ARMH3: variants seen among roughly 807,000 people sequenced by gnomAD.
ARMH3 encodes the protein armadillo-like helical domain-containing protein 3.
In ARMH3, 60 loss-of-function variants were observed where a neutral mutation model predicts 99.1. That is an observed-to-expected ratio of 0.61 (90% CI 0.49 to 0.75). The LOEUF (loss-of-function observed/expected upper bound fraction) is 0.75, where lower values mean the gene tolerates loss of function less well. Among genes scored for constraint, ARMH3 ranks in the 30% least tolerant of loss-of-function variants. ARMH3 has a pLI of 0.00. For missense variants in ARMH3, 679 were observed against 843.1 expected, an observed-to-expected ratio of 0.81 and a Z score of 2.41; for synonymous variants, 285 against 292.8, an observed-to-expected ratio of 0.97 and a Z score of 0.27.
chr10:101,849,248 A>G (rs868792771), intron 25 of ARMH3, among the ~76,000 whole-genome samples: 2 of 152,170 alleles, frequency 1.3e-5, no homozygotes, highest in Non-Finnish European at 2.9e-5. Context: ...GACCATCAAT[A>G]GGGCTAGCTC....
chr10:101,975,049 T>TAAAAAAAAAAAAAAAAAAAAAAAAA (rs11399489), intron 20 of ARMH3, among the ~76,000 whole-genome samples, 163 bp downstream of exon 20: 9 of 29,662 alleles, frequency 3.0e-4, no homozygotes, highest in African/African-American at 4.2e-4. Flanking sequence ...AGCTAAAACG[T>TAAAAAAAAAAAAAAAAAAAAAAAAA]AAAAAAAAAA....
chr10:102,047,261 T>C lies in ARMH3; in HGVS notation c.-11-7136A>G, dbSNP rs950789860. Among the ~76,000 whole-genome samples, 15 of 152,288 alleles carry C rather than the reference T, an allele frequency of 9.8e-5. No individual in the cohort carries two copies. The East Asian group carries it at 2.9e-3, about 29-fold the overall frequency. On this transcript the variant is annotated intron_variant, in intron 1 of 25. Transcript: ENST00000370033. ...CTATTTTAATTGAGTATAGTCAGTG[T>C]TCTGAGGATAATTCTCCCTCAACTT...
chr10:101,877,653 CT>C (rs2067302616), intron 24 of ARMH3, among the ~76,000 whole-genome samples: 1 of 139,870 alleles, frequency 7.1e-6, no homozygotes, highest in African/African-American at 2.6e-5. Flanking sequence ...GAGACTTTGT[CT>C]TTAAAAAAAA....
chr10:101,966,085 TTTTTTC>T (rs1455644417), intron 20 of ARMH3, among the ~76,000 whole-genome samples: 2 of 151,626 alleles, frequency 1.3e-5, no homozygotes, highest in Non-Finnish European at 2.9e-5. Context: ...AATCTAATTT[TTTTTTC>T]TTTTTCTTTT....
chr10:101,876,863 C>T (rs1304663696), intron 24 of ARMH3, among the ~76,000 whole-genome samples: 1 of 152,128 alleles, frequency 6.6e-6, no homozygotes, highest in Non-Finnish European at 1.5e-5. Context: ...AAAGATAATT[C>T]TTGGGTTAAA....
rs911511878 is a variant in ARMH3 at position 101,943,328 on chromosome 10, C to T, written c.1706-3390G>A. ...AGAAGAAACTGAGGAGCTCACGGCA[C>T]GCTCCACAAAGAAAATAACTTATGT... is the stretch of plus-strand genomic sequence containing the variant. On this transcript the variant is annotated intron_variant, in intron 22 of 25. Coordinates refer to ENST00000370033, the MANE Select transcript of ARMH3 (RefSeq NM_024541.3). Among the ~76,000 whole-genome samples the T allele has an allele frequency of 5.3e-5, 8 of 152,234 alleles. No individual in the cohort carries two copies. The South Asian group carries it at 8.3e-4, about 16-fold the overall frequency.
rs774114524 is a variant in ARMH3 at position 101,975,295 on chromosome 10, C to T, written c.1412G>A (p.Cys471Tyr). ...KEFPMDLYIR[C>Y]IQVVHKLLCY... ...GAGCAGTTTGTGTACTACCTGGATG[C>T]AGCGTCTGTAACAGGGAAAGCAAAA... Residue 471 changes from cysteine to tyrosine, a missense_variant, in exon 20 of 26, where the codon TGC (cysteine) becomes TAC (tyrosine). Coordinates refer to ENST00000370033, the MANE Select transcript of ARMH3 (RefSeq NM_024541.3). 6.2e-7 allele frequency: 1 copy of T among 1,611,780 alleles called. No individual in the cohort carries two copies. Among genetic ancestry groups the T allele is most frequent in the Non-Finnish European group, 8.5e-7 (1 of 1,178,508 alleles).
intron 23 of ARMH3, among the ~76,000 whole-genome samples, chr10:101,897,474 C>A (rs1589983250): frequency 1.3e-5 from 2 of 152,222 alleles, no homozygotes; most frequent in African/African-American, 4.8e-5. Flanking sequence ...AAAGTTGACA[C>A]TGATGACAAT....
At chr10:101,994,474 T>C (rs1233204924) in intron 16 of ARMH3, among the ~76,000 whole-genome samples, 2 of 152,090 alleles carry the variant, frequency 1.3e-5, no homozygotes, top group African/African-American at 4.8e-5. Context: ...GAGTGGGGAA[T>C]AGTAAAGGGG....
chr10:101,975,839 A>C (rs1279955587), intron 19 of ARMH3, among the ~76,000 whole-genome samples: 1 of 142,102 alleles, frequency 7.0e-6, no homozygotes, highest in Non-Finnish European at 1.5e-5. Context: ...CAGCCTGGGC[A>C]ACAGAGCGAG....
chr10:102,048,842 AC>A (rs2067621303), intron 1 of ARMH3, among the ~76,000 whole-genome samples: 1 of 152,038 alleles, frequency 6.6e-6, no homozygotes, highest in African/African-American at 2.4e-5. Flanking sequence ...TTTTTAAAAA[AC>A]CTTTACGCAA....
intron 8 of ARMH3, 73 bp from the exon 9 acceptor site, chr10:102,014,097 T>C: frequency 8.1e-7 from 1 of 1,230,338 alleles, no homozygotes; most frequent in Non-Finnish European, 1.2e-6. Flanking sequence ...CTTTAAAGTG[T>C]TAACAAAAAT....
intron 24 of ARMH3, among the ~76,000 whole-genome samples, chr10:101,854,831 T>C (rs985587166): frequency 6.6e-6 from 1 of 151,934 alleles, no homozygotes; most frequent in Non-Finnish European, 1.5e-5. Context: ...CTACATCTTA[T>C]AAGGCTGATG....
chr10:101,929,650 T>G (rs552262170), intron 23 of ARMH3, among the ~76,000 whole-genome samples: 6 of 152,226 alleles, frequency 3.9e-5, no homozygotes, highest in African/African-American at 1.4e-4. Context: ...TTAAGATATG[T>G]ATGGTAAGCC....
At chr10:101,931,476 G>C (rs1342049743) in intron 23 of ARMH3, among the ~76,000 whole-genome samples, 1 of 151,788 alleles carries the variant, frequency 6.6e-6, no homozygotes, top group Non-Finnish European at 1.5e-5. Context: ...AGTGAGCTAA[G>C]ACTGCACCAT....
At chr10:101,965,916 TG>T (rs1845510397) in intron 20 of ARMH3, among the ~76,000 whole-genome samples, 1 of 152,154 alleles carries the variant, frequency 6.6e-6, no homozygotes, top group Admixed American at 6.6e-5. Flanking sequence ...GCATCATATC[TG>T]CTGAAAGAGT....
chr10:101,855,431 C>T (rs564356535), intron 24 of ARMH3, among the ~76,000 whole-genome samples: 207 of 149,870 alleles, frequency 1.4e-3, no homozygotes, highest in Non-Finnish European at 2.5e-3. Flanking sequence ...AGTTCTGGAC[C>T]AGGTACAGTG....
At chr10:102,028,099 AT>A (rs1431418652) in intron 5 of ARMH3, among the ~76,000 whole-genome samples, 1 of 152,154 alleles carries the variant, frequency 6.6e-6, no homozygotes. Flanking sequence ...TGTTGACATA[AT>A]GTGCAGAAAC....
intron 14 of ARMH3, among the ~76,000 whole-genome samples, chr10:102,002,699 G>T (rs1026021741): frequency 6.6e-6 from 1 of 152,018 alleles, no homozygotes; most frequent in Non-Finnish European, 1.5e-5. Flanking sequence ...AGTGGCTCAC[G>T]CCTGTAATCC....
Sources: gnomAD v4.1 joint callset for allele counts (sites outside exome capture counted in the v4.1 genomes callset) on GRCh38, gnomAD v4.1.1 for gene constraint, MANE v1.5 for transcripts, NCBI Gene and HGNC (gene_info 2026-07-23, HGNC 2026-07-21) for gene names.